TSPAN9: variants seen among roughly 807,000 people sequenced by gnomAD.
TSPAN9 encodes the protein tetraspanin 9.
TSPAN9 carries 16 observed loss-of-function variants against 31.0 expected under a neutral mutation model. That is an observed-to-expected ratio of 0.52 (90% CI 0.35 to 0.78). The LOEUF (loss-of-function observed/expected upper bound fraction) is 0.78, where lower values mean the gene tolerates loss of function less well. Ranked by LOEUF, TSPAN9 falls within the 30% of genes least tolerant of loss-of-function variation. The pLI, the probability that TSPAN9 is intolerant of heterozygous loss-of-function variation, is 0.01. For missense variants in TSPAN9, 272 were observed against 312.5 expected (o/e 0.87, Z 0.98); for synonymous variants, 145 against 121.6 (o/e 1.19, Z -1.27).
chr12:3,258,321 G>T (rs764451916), intron 3 of TSPAN9, among the ~76,000 whole-genome samples: 5 of 152,172 alleles, frequency 3.3e-5, no homozygotes, highest in East Asian at 1.9e-4. Flanking sequence ...TTCATTTTGT[G>T]TCTGAGTCCT....
chr12:3,226,777 TATATATATA>T (rs1591690359), intron 3 of TSPAN9, among the ~76,000 whole-genome samples: 2 of 7,146 alleles, frequency 2.8e-4, no homozygotes, highest in African/African-American at 4.7e-4. Flanking sequence ...TATATATATA[TATATATATA>T]TATATATATT....
chr12:3,157,156 G>A (rs1362271468), intron 2 of TSPAN9, among the ~76,000 whole-genome samples: 19 of 149,520 alleles, frequency 1.3e-4, no homozygotes, highest in Non-Finnish European at 2.2e-4. Context: ...CTGGAGTGCC[G>A]TGGCGCGATC....
chr12:3,272,112 A>G (rs1426474431), intron 3 of TSPAN9, among the ~76,000 whole-genome samples: 1 of 152,186 alleles, frequency 6.6e-6, no homozygotes, highest in African/African-American at 2.4e-5. Context: ...CAAAAAGTGG[A>G]TGAGGGTGTC....
rs79513776 is a variant in TSPAN9, at chr12:3,190,324, C to T, written c.-17-10853C>T. Reference sequence around the variant, plus strand: ...TTTCCACTGGTGCATGGTAATAAGTCGCAGGCTTCATCACACTTCCGTGTG... The same window carrying T: ...TTTCCACTGGTGCATGGTAATAAGTTGCAGGCTTCATCACACTTCCGTGTG... On this transcript the variant is annotated intron_variant, in intron 2 of 8. Transcript: ENST00000011898. 4.2e-3 allele frequency among the ~76,000 whole-genome samples: 637 copies of T among 152,340 alleles called. 4 individuals carry two copies. The highest frequency in any genetic ancestry group is 0.014 in the African/African-American group (598 of 41,570).
chr12:3,225,805 C>T (rs970533752), intron 3 of TSPAN9, among the ~76,000 whole-genome samples: 4 of 151,910 alleles, frequency 2.6e-5, no homozygotes, highest in Non-Finnish European at 5.9e-5. Flanking sequence ...CATCTTTACC[C>T]GTGGGCCACC....
intron 2 of TSPAN9, among the ~76,000 whole-genome samples, chr12:3,140,773 C>T (rs1392981819): frequency 2.0e-5 from 3 of 151,690 alleles, no homozygotes; most frequent in African/African-American, 7.3e-5. Flanking sequence ...TCAGGGAGGG[C>T]ACAGAATGCT....
chr12:3,223,957 G>A (rs751639495), intron 3 of TSPAN9, among the ~76,000 whole-genome samples: 2 of 152,138 alleles, frequency 1.3e-5, no homozygotes, highest in South Asian at 4.1e-4. Flanking sequence ...AGTGTCCTGG[G>A]CATCTGGACA....
chr12:3,234,178 T>C (rs1377188646), intron 3 of TSPAN9, among the ~76,000 whole-genome samples: 1 of 152,250 alleles, frequency 6.6e-6, no homozygotes, highest in Non-Finnish European at 1.5e-5. Flanking sequence ...AGGCAGACTT[T>C]CACATTGGCC....
At chr12:3,205,950 A>G (rs1591676121) in intron 3 of TSPAN9, among the ~76,000 whole-genome samples, 1 of 149,586 alleles carries the variant, frequency 6.7e-6, no homozygotes, top group South Asian at 2.1e-4. Flanking sequence ...CTTAATGTCT[A>G]TTTTTAAATC....
At position 3,236,156 on chromosome 12, in the gene TSPAN9, TG is replaced by T. The variant is rs1311450887; in HGVS notation, c.63+34901del. On this transcript the variant is annotated intron_variant, in intron 3 of 8. Coordinates refer to ENST00000011898, the MANE Select transcript of TSPAN9 (RefSeq NM_006675.5). ...CACCTGAAGTCAGAAGGCCTTGGTT[TG>T]AACCCCCTGCTCTGCCTCCTGAGCA... Among the ~76,000 whole-genome samples the T allele has an allele frequency of 5.5e-3, 844 of 152,332 alleles. 9 individuals carry two copies. Among genetic ancestry groups the T allele is most frequent in the African/African-American group, 0.019 (786 of 41,572 alleles).
intron 3 of TSPAN9, among the ~76,000 whole-genome samples, chr12:3,204,992 G>A (rs11613691): frequency 0.078 from 11,842 of 152,160 alleles, 546 homozygotes; most frequent in South Asian, 0.17. Context: ...GTAGAGAAGA[G>A]CGTATAGGGG....
chr12:3,094,507 T>C (rs940150328), intron 2 of TSPAN9, among the ~76,000 whole-genome samples: 48 of 151,570 alleles, frequency 3.2e-4, no homozygotes, highest in African/African-American at 1.1e-3. Context: ...GGTGGTTGTT[T>C]TAAATCAATT....
rs1168356666 is a variant in TSPAN9 at position 3,147,764 on chromosome 12, G to A, written c.-17-53413G>A. On this transcript the variant is annotated intron_variant, in intron 2 of 8. Coordinates refer to ENST00000011898, the MANE Select transcript of TSPAN9 (RefSeq NM_006675.5). This position sits in a 1 kb window ranked among gnomAD's most constrained non-coding sequence, Gnocchi z 4.3. Reference sequence around the variant, plus strand: ...GTTGCTAGTGGCTGCCACGTCGGACGGTACTGTTCTAGACCAGTAGTTTTC... The same window carrying A: ...GTTGCTAGTGGCTGCCACGTCGGACAGTACTGTTCTAGACCAGTAGTTTTC... Among the ~76,000 whole-genome samples the A allele has an allele frequency of 6.6e-6, 1 of 152,190 alleles. No homozygotes were observed.
At chr12:3,186,285 A>T (rs2098361276) in intron 2 of TSPAN9, among the ~76,000 whole-genome samples, 3 of 152,226 alleles carry the variant, frequency 2.0e-5, no homozygotes, top group Non-Finnish European at 4.4e-5. Context: ...CTTTGGGAAT[A>T]CAGCAGTAAG....
At chr12:3,206,594 GT>G (rs113931308) in intron 3 of TSPAN9, among the ~76,000 whole-genome samples, 79 of 145,158 alleles carry the variant, frequency 5.4e-4, no homozygotes, top group African/African-American at 1.4e-3. Context: ...GTTTTGTTTT[GT>G]TTTTTTTTTT....
intron 2 of TSPAN9, among the ~76,000 whole-genome samples, chr12:3,116,443 G>T (rs114766069): frequency 0.019 from 2,881 of 152,302 alleles, 92 homozygotes; most frequent in African/African-American, 0.065. Flanking sequence ...GGCAATGCTT[G>T]TGAAGTGCTG....
intron 2 of TSPAN9, among the ~76,000 whole-genome samples, chr12:3,176,235 T>A (rs2098355510): frequency 6.6e-6 from 1 of 152,188 alleles, no homozygotes; most frequent in Non-Finnish European, 1.5e-5. Flanking sequence ...CGGAGCAGTG[T>A]GCAGAGTGAG....
intron 2 of TSPAN9, among the ~76,000 whole-genome samples, chr12:3,109,795 T>G (rs2098317400): frequency 9.7e-6 from 1 of 103,246 alleles, no homozygotes; most frequent in African/African-American, 5.0e-5. Context: ...CAAAACTCTG[T>G]CTCAAAAAAA....
At chr12:3,176,145 C>T (rs977613869) in intron 2 of TSPAN9, among the ~76,000 whole-genome samples, 8 of 152,202 alleles carry the variant, frequency 5.3e-5, no homozygotes, top group South Asian at 2.1e-4. Flanking sequence ...GAGCCAGGGA[C>T]GGTGCTAGGT....
Sources: gnomAD v4.1 joint callset for allele counts (sites outside exome capture counted in the v4.1 genomes callset) on GRCh38, gnomAD v4.1.1 for gene constraint, Gnocchi (gnomAD v3.1) non-coding constraint, MANE v1.5 for transcripts, NCBI Gene and HGNC (gene_info 2026-07-23, HGNC 2026-07-21) for gene names.